Variants in GRIA1 observed in about 807,000 individuals in gnomAD.
GRIA1 encodes the protein glutamate receptor 1.
Under a neutral mutation model 99.2 loss-of-function variants are expected in GRIA1, and 31 were observed. The ratio of observed to expected loss-of-function variants is 0.31; its 90% CI spans 0.23 to 0.42. GRIA1 has a LOEUF of 0.42. GRIA1 is among the 10% of genes least tolerant of loss of function. The pLI is 1.00. For synonymous variants in GRIA1, 438 were observed against 432.4 expected (o/e 1.01, Z -0.16); for missense variants, 782 against 1,157.5 (o/e 0.68, Z 4.71).
rs368978028 is a variant in GRIA1 at position 153,670,132 on chromosome 5, T to C, written c.700-4368T>C. Among the ~76,000 whole-genome samples the C allele has an allele frequency of 2.3e-4, 35 of 152,348 alleles. No individual in the cohort carries two copies. In the East Asian group the frequency reaches 5.6e-3, roughly 24 times the overall value. On this transcript the variant is annotated intron_variant, in intron 5 of 15. Transcript: ENST00000285900. ...TGAGAGCTTACAGTTTATTGGTCAA[T>C]TTCTTTGCATTTAATAATGACAGTA... is the stretch of plus-strand genomic sequence containing the variant.
intron 2 of GRIA1, among the ~76,000 whole-genome samples, chr5:153,558,620 T>G (rs1221065977): frequency 6.6e-6 from 1 of 152,158 alleles, no homozygotes; most frequent in African/African-American, 2.4e-5. Context: ...GTACCATAAT[T>G]TGTTTATTCA....
chr5:153,737,238 G>A (rs1761440708), intron 11 of GRIA1, among the ~76,000 whole-genome samples: 1 of 132,966 alleles, frequency 7.5e-6, no homozygotes, highest in East Asian at 2.4e-4. Flanking sequence ...AACCTTTTGA[G>A]TTAACAATTA....
intron 2 of GRIA1, among the ~76,000 whole-genome samples, chr5:153,564,746 CAG>C (rs149152705): frequency 2.0e-5 from 3 of 151,466 alleles, no homozygotes; most frequent in Non-Finnish European, 3.0e-5. Flanking sequence ...AGGATGAAGA[CAG>C]AGAGAGAGAG....
At chr5:153,565,446 G>A (rs1198043459) in intron 2 of GRIA1, among the ~76,000 whole-genome samples, 1 of 152,018 alleles carries the variant, frequency 6.6e-6, no homozygotes, top group East Asian at 1.9e-4. Flanking sequence ...TGGCTTTATT[G>A]AGATGTGTCA....
At chr5:153,612,837 T>C (rs1581329890) in intron 2 of GRIA1, among the ~76,000 whole-genome samples, 1 of 152,140 alleles carries the variant, frequency 6.6e-6, no homozygotes, top group Non-Finnish European at 1.5e-5. Flanking sequence ...CCAGCGGCAG[T>C]ATTAGCATTA....
intron 11 of GRIA1, among the ~76,000 whole-genome samples, chr5:153,727,222 G>T (rs1224467172): frequency 6.6e-6 from 1 of 152,168 alleles, no homozygotes. Flanking sequence ...ATTAGGTATT[G>T]ATGGGACGTA....
chr5:153,663,383 CT>C (rs1307854575), intron 5 of GRIA1, among the ~76,000 whole-genome samples: 1 of 152,198 alleles, frequency 6.6e-6, no homozygotes, highest in African/African-American at 2.4e-5. Flanking sequence ...ATTCTTAGGA[CT>C]GGTATTATAA....
intron 2 of GRIA1, among the ~76,000 whole-genome samples, chr5:153,528,007 T>G (rs570262987): frequency 6.6e-6 from 1 of 152,322 alleles, no homozygotes; most frequent in Non-Finnish European, 1.5e-5. Context: ...ACTTTTTGAC[T>G]TATTACTTTA....
intron 13 of GRIA1, among the ~76,000 whole-genome samples, chr5:153,777,068 G>A (rs1480127187): frequency 2.0e-5 from 3 of 152,102 alleles, no homozygotes; most frequent in South Asian, 2.1e-4. Flanking sequence ...TCCCAACTTC[G>A]GTGTGTATCA....
At position 153,783,552 on chromosome 5, in the gene GRIA1, G is replaced by A. The variant is rs538844187; in HGVS notation, c.2271-11069G>A. On this transcript the variant is annotated intron_variant, in intron 13 of 15. Transcript: ENST00000285900. ...AGCCAGACTTCAGATCCCTATCCAG[G>A]TCTCTGGGCTGTATCCACTGATCTT... Among the ~76,000 whole-genome samples the A allele has an allele frequency of 8.5e-5, 13 of 152,282 alleles. No homozygotes were observed. In the South Asian group the frequency reaches 2.7e-3, roughly 32 times the overall value.
At chr5:153,745,080 A>T (rs943654366) in intron 11 of GRIA1, among the ~76,000 whole-genome samples, 5 of 152,144 alleles carry the variant, frequency 3.3e-5, no homozygotes, top group African/African-American at 1.2e-4. Context: ...TGAACACATG[A>T]AGGCTTTTCC....
At chr5:153,499,623 A>C (rs1581133511) in intron 2 of GRIA1, among the ~76,000 whole-genome samples, 1 of 150,346 alleles carries the variant, frequency 6.7e-6, no homozygotes, top group South Asian at 2.1e-4. Flanking sequence ...CAAAAAAAAA[A>C]AAAAAAAAAA....
At chr5:153,578,148 C>CAGA (rs1762724467) in intron 2 of GRIA1, among the ~76,000 whole-genome samples, 1 of 69,316 alleles carries the variant, frequency 1.4e-5, no homozygotes, top group Non-Finnish European at 2.5e-5. Flanking sequence ...GAGACTCTGT[C>CAGA]AAAAAAAAAA....
intron 2 of GRIA1, among the ~76,000 whole-genome samples, chr5:153,538,718 G>A (rs1223929291): frequency 2.6e-5 from 4 of 152,102 alleles, no homozygotes; most frequent in South Asian, 2.1e-4. Context: ...TGACACTTGC[G>A]TTAGCACAAC....
chr5:153,496,764 AG>A (rs1398257339), intron 2 of GRIA1, among the ~76,000 whole-genome samples: 1 of 152,230 alleles, frequency 6.6e-6, no homozygotes, highest in Admixed American at 6.5e-5. Context: ...TGGAAAAGCA[AG>A]AAAAGCATCT....
At chr5:153,706,625 G>A (rs569484058) in intron 11 of GRIA1, among the ~76,000 whole-genome samples, 2 of 152,200 alleles carry the variant, frequency 1.3e-5, no homozygotes, top group Non-Finnish European at 2.9e-5. Flanking sequence ...GTAAGTTCTA[G>A]CACTGGTTCT....
chr5:153,615,785 T>C (rs1202739819), intron 2 of GRIA1, among the ~76,000 whole-genome samples: 2 of 152,304 alleles, frequency 1.3e-5, no homozygotes, highest in South Asian at 2.1e-4. Context: ...ATGGTACCCT[T>C]CCTCATCCCC....
chr5:153,727,437 A>G (rs946122260), intron 11 of GRIA1, among the ~76,000 whole-genome samples: 35 of 152,330 alleles, frequency 2.3e-4, no homozygotes, highest in African/African-American at 7.9e-4. Context: ...GAAAAGAGGA[A>G]GTCAAATTGT....
chr5:153,499,704 C>T (rs1431228572), intron 2 of GRIA1, among the ~76,000 whole-genome samples: 1 of 148,486 alleles, frequency 6.7e-6, no homozygotes, highest in Non-Finnish European at 1.5e-5. Context: ...AGAAGTGTCA[C>T]AGTGGAATTT....
Sources: gnomAD v4.1 joint callset for allele counts (sites outside exome capture counted in the v4.1 genomes callset) on GRCh38, gnomAD v4.1.1 for gene constraint, MANE v1.5 for transcripts, NCBI Gene and HGNC (gene_info 2026-07-23, HGNC 2026-07-21) for gene names.